MTPN: variants seen among roughly 807,000 people sequenced by gnomAD.
MTPN encodes the protein myotrophin.
A neutral mutation model predicts 13.5 loss-of-function variants in MTPN; 2 were observed. The observed-to-expected ratio is 0.15, with a 90% CI of 0.06 to 0.47. The LOEUF is 0.47. Among genes scored for constraint, MTPN ranks in the 20% least tolerant of loss-of-function variants. The pLI is 0.97. For missense variants in MTPN, 79 were observed against 137.9 expected (o/e 0.57, Z 2.14); for synonymous variants, 46 against 51.7 (o/e 0.89, Z 0.48).
intron 1 of MTPN, among the ~76,000 whole-genome samples, chr7:135,974,882 C>G (rs1275780178): frequency 6.6e-6 from 1 of 152,170 alleles, no homozygotes; most frequent in Non-Finnish European, 1.5e-5. Context: ...CGTAAGGGAG[C>G]TGAGTCAGTA....
intron 1 of MTPN, among the ~76,000 whole-genome samples, chr7:135,968,382 T>A (rs1217109011): frequency 1.3e-5 from 2 of 152,092 alleles, no homozygotes; most frequent in Non-Finnish European, 2.9e-5. Context: ...TACATTTTGG[T>A]TTCTTTTCTT....
At chr7:135,943,806 A>G (rs1799247763) in intron 3 of MTPN, among the ~76,000 whole-genome samples, 1 of 152,232 alleles carries the variant, frequency 6.6e-6, no homozygotes, top group Admixed American at 6.5e-5. Context: ...GGAAAACAAA[A>G]AAGCAGTTCT....
At chr7:135,961,201 C>T (rs1046488931) in intron 1 of MTPN, among the ~76,000 whole-genome samples, 5 of 151,904 alleles carry the variant, frequency 3.3e-5, no homozygotes, top group Admixed American at 2.6e-4. Context: ...GTATAAAGTT[C>T]TAACTTATAA....
At chr7:135,933,122 A>AT (rs1348311922) in intron 3 of MTPN, among the ~76,000 whole-genome samples, 2 of 148,974 alleles carry the variant, frequency 1.3e-5, no homozygotes, top group East Asian at 4.0e-4. Context: ...AAAAAAAAAA[A>AT]GATGAACCAG....
chr7:135,938,613 T>C (rs1330442744), intron 3 of MTPN, among the ~76,000 whole-genome samples: 1 of 152,194 alleles, frequency 6.6e-6, no homozygotes, highest in African/African-American at 2.4e-5. Flanking sequence ...CATCATTCCA[T>C]AGAAGCATGC....
At chr7:135,944,558 G>T in intron 3 of MTPN, among the ~76,000 whole-genome samples, 1 of 151,964 alleles carries the variant, frequency 6.6e-6, no homozygotes, top group East Asian at 1.9e-4. Context: ...CAGCTACTTG[G>T]GAGGCTGAGG....
rs543696245 is a variant in MTPN, at chr7:135,929,193, T to C, written c.*733A>G. The C allele has an allele frequency of 4.2e-5, 7 of 167,126 alleles. No individual in the cohort carries two copies. Among genetic ancestry groups the C allele is most frequent in the South Asian group, 2.1e-4 (1 of 4,832 alleles). The allele number at this position is 167,126 out of a possible 1,614,324, so 10.4% of individuals were successfully genotyped here. On this transcript the variant is annotated 3_prime_UTR_variant, in exon 4 of 4. Transcript: ENST00000393085. ...TATGAATCTAGAGGAGAAAAAAATA[T>C]GCATACTGGAATGGTTTCTCCTTTA... is the stretch of plus-strand genomic sequence containing the variant.
chr7:135,962,905 T>TAATACTCTTTG (rs759220103), intron 1 of MTPN, among the ~76,000 whole-genome samples: 1 of 152,020 alleles, frequency 6.6e-6, no homozygotes, highest in Non-Finnish European at 1.5e-5. Flanking sequence ...AAGAAACAAA[T>TAATACTCTTTG]AATACTCTTT....
intron 3 of MTPN, among the ~76,000 whole-genome samples, chr7:135,948,014 G>T (rs911222758): frequency 6.6e-6 from 1 of 152,114 alleles, no homozygotes; most frequent in Non-Finnish European, 1.5e-5. Flanking sequence ...AAATGTCAAT[G>T]AATCTGGAAA....
Position 135,929,117 on chromosome 7 carries a change from CCCCTTTT to C in MTPN, c.*802_*808del, listed in dbSNP as rs1798973527. 1 of 166,946 alleles carries C rather than the reference CCCCTTTT, an allele frequency of 6.0e-6. No individual in the cohort carries two copies. The highest frequency in any genetic ancestry group is 1.5e-5 in the Non-Finnish European group (1 of 68,100). The allele number at this position is 166,946 out of a possible 1,614,324, so 10.3% of individuals were successfully genotyped here. ...TATGGCTATGATTCTATTTTTAAAT[CCCCTTTT>C]ACTACCAGCAGGAGTTTGAAAGTGT... On this transcript the variant is annotated 3_prime_UTR_variant, in exon 4 of 4. Transcript: ENST00000393085.
chr7:135,969,176 C>T (rs1799653898), intron 1 of MTPN, among the ~76,000 whole-genome samples: 1 of 129,820 alleles, frequency 7.7e-6, no homozygotes, highest in South Asian at 2.4e-4. Flanking sequence ...CAGCATGGCA[C>T]ATGTATACAT....
chr7:135,950,807 T>C lies in MTPN; in HGVS notation c.187-125A>G. ...TCTAGAAAATCAATCAATCAATCAATCCACAGAGTCAAGTGTCTAGTCTCT... is the reference window on the plus strand; with the variant it reads ...TCTAGAAAATCAATCAATCAATCAACCCACAGAGTCAAGTGTCTAGTCTCT... On this transcript the variant is annotated intron_variant, in intron 2 of 3. Transcript: ENST00000393085. 5 of 736,914 alleles carry C rather than the reference T, an allele frequency of 6.8e-6. No individual in the cohort carries two copies. The South Asian group carries it at 9.1e-5, about 13-fold the overall frequency. The allele number at this position is 736,914 out of a possible 1,614,324, so 45.6% of individuals were successfully genotyped here.
intron 3 of MTPN, among the ~76,000 whole-genome samples, chr7:135,931,637 A>C (rs1410700125): frequency 6.6e-6 from 1 of 152,100 alleles, no homozygotes; most frequent in Non-Finnish European, 1.5e-5. Flanking sequence ...GTATTCAAAA[A>C]AGTTATTTCT....
rs747115717 is a variant in MTPN at position 135,927,614 on chromosome 7, T to C, written c.*2312A>G. On this transcript the variant is annotated 3_prime_UTR_variant, in exon 4 of 4. Transcript: ENST00000393085. ...GAACATTAAGTGTTGTGAATTTGTC[T>C]GCCAAGTGGTTCAGAAATACATTAT... 1.1e-4 allele frequency: 73 copies of C among 669,786 alleles called. 1 individual carries two copies. Among genetic ancestry groups the C allele is most frequent in the South Asian group, 4.8e-4 (30 of 62,264 alleles). The allele number at this position is 669,786 out of a possible 1,614,324, so 41.5% of individuals were successfully genotyped here. A position where few individuals can be genotyped will look rare whatever the true frequency, so the allele number is the denominator to read the frequency against.
intron 1 of MTPN, 142 bp from the exon 2 acceptor site, chr7:135,951,772 A>G (rs1252464233): frequency 1.3e-5 from 7 of 544,930 alleles, no homozygotes; most frequent in Non-Finnish European, 1.9e-5. Context: ...AAAATAACCA[A>G]AAACTTGAAA....
rs574036556 is a variant in MTPN, at chr7:135,956,567, C to A, written c.73-4937G>T. Among the ~76,000 whole-genome samples the A allele has an allele frequency of 2.6e-5, 4 of 152,250 alleles. 1 individual carries two copies. The highest frequency in any genetic ancestry group is 9.6e-5 in the African/African-American group (4 of 41,556). ...CCCCTTCATTCTCAGCAGATGAGCC[C>A]ATATCCTTCTTTATACAGAGGACAT... On this transcript the variant is annotated intron_variant, in intron 1 of 3. Transcript: ENST00000393085.
intron 1 of MTPN, among the ~76,000 whole-genome samples, chr7:135,965,795 G>A (rs1015857809): frequency 2.0e-5 from 3 of 152,062 alleles, no homozygotes; most frequent in Non-Finnish European, 2.9e-5. Flanking sequence ...TCTAAGAGAG[G>A]AAATGAAAGA....
At chr7:135,940,833 C>T (rs994338756) in intron 3 of MTPN, among the ~76,000 whole-genome samples, 1 of 152,194 alleles carries the variant, frequency 6.6e-6, no homozygotes, top group African/African-American at 2.4e-5. Context: ...TCATCTGTTG[C>T]ACACTCTGAC....
At chr7:135,948,156 TA>T (rs1288915200) in intron 3 of MTPN, among the ~76,000 whole-genome samples, 1 of 152,196 alleles carries the variant, frequency 6.6e-6, no homozygotes, top group Admixed American at 6.5e-5. Context: ...GGAACAACTC[TA>T]TTTTAGCAAC....
Sources: gnomAD v4.1 joint callset for allele counts (sites outside exome capture counted in the v4.1 genomes callset) on GRCh38, gnomAD v4.1.1 for gene constraint, MANE v1.5 for transcripts, NCBI Gene and HGNC (gene_info 2026-07-23, HGNC 2026-07-21) for gene names.